Variants in MUC5B observed in about 807,000 individuals in gnomAD.
MUC5B encodes mucin 5B, oligomeric mucus/gel-forming, also known as mucin-5B.
Under a neutral mutation model 376.9 loss-of-function variants are expected in MUC5B, and 116 were observed. The ratio of observed to expected loss-of-function variants is 0.31; its 90% CI spans 0.26 to 0.36. The LOEUF (loss-of-function observed/expected upper bound fraction) is 0.36. Ranked by LOEUF, MUC5B falls within the 10% of genes least tolerant of loss-of-function variation. The pLI is 1.00. For synonymous variants in MUC5B, 3,517 were observed against 3,390.9 expected (o/e 1.04, Z -1.29); for missense variants, 7,165 against 7,769.9 (o/e 0.92, Z 2.93).
rs1184773300 is a variant in MUC5B, at chr11:1,247,482, G to C, written c.10602G>C (p.Arg3534Ser). Residue 3534 changes from arginine to serine, a missense_variant, in exon 31 of 49, where the codon AGG becomes AGC. Coordinates refer to ENST00000529681, the MANE Select transcript of MUC5B (RefSeq NM_002458.3). Reference protein sequence around the residue: ...SPGTTTPGHTRGTSRTTATAT... With the variant: ...SPGTTTPGHTSGTSRTTATAT... Reference sequence around the variant, plus strand: ...GGACGACCACCCCGGGCCACACCAGGGGCACCTCCAGGACCACAGCCACAG... The same window carrying C: ...GGACGACCACCCCGGGCCACACCAGCGGCACCTCCAGGACCACAGCCACAG... The C allele has an allele frequency of 2.3e-5, 37 of 1,607,550 alleles. No individual in the cohort carries two copies. Among genetic ancestry groups the C allele is most frequent in the Non-Finnish European group, 2.7e-5 (32 of 1,177,428 alleles).
Position 1,241,060 on chromosome 11 carries a change from G to A in MUC5B, c.4180G>A (p.Gly1394Ser), listed in dbSNP as rs1361726524. The stretch of plus-strand genomic sequence containing the variant: ...TCCCGACATGCCGCTGGAGGAGCTG[G>A]GCCAGCAGGTGGACTGTGACCGCAT... Reference protein sequence around the residue: ...QLPDMPLEELGQQVDCDRMRG... With the variant: ...QLPDMPLEELSQQVDCDRMRG... The change falls in exon 31 of 49, where the codon GGC becomes AGC. Residue 1394 changes from glycine to serine, a missense_variant. Physicochemically the swap from Gly to Ser is moderately conservative, Grantham distance 56. This residue lies in a region of MUC5B where 517 missense variants were observed against 545.3 expected (regional missense o/e 0.95). Coordinates refer to ENST00000529681, the MANE Select transcript of MUC5B (RefSeq NM_002458.3). The A allele has an allele frequency of 6.2e-7, 1 of 1,612,512 alleles. No individual in the cohort carries two copies. The highest frequency in any genetic ancestry group is 1.7e-4 in the Middle Eastern group (1 of 6,040).
In MUC5B at chr11:1,223,410, G is replaced by A. The variant is rs763982919; in HGVS notation, c.70+217G>A. 4.5e-6 allele frequency: 3 copies of A among 670,932 alleles called. No individual in the cohort carries two copies. The African/African-American group carries it at 5.3e-5, about 12-fold the overall frequency. The allele number at this position is 670,932 out of a possible 1,614,324, so 41.6% of individuals were successfully genotyped here. On this transcript the variant is annotated intron_variant, in intron 1 of 48. Coordinates refer to ENST00000529681, the MANE Select transcript of MUC5B (RefSeq NM_002458.3). ...ACTCAGGGGCTGGCTTGGATGGGGT[G>A]TCCAGGAGAAGGTGGGCCCCTGACC... is the stretch of plus-strand genomic sequence containing the variant.
chr11:1,234,879 CA>C lies in MUC5B; in HGVS notation c.2630+200del, dbSNP rs1235734324. 2.6e-5 allele frequency among the ~76,000 whole-genome samples: 4 copies of C among 152,096 alleles called. No homozygotes were observed. The highest frequency in any genetic ancestry group is 5.9e-5 in the Non-Finnish European group (4 of 67,980). On this transcript the variant is annotated intron_variant, in intron 21 of 48. Coordinates refer to ENST00000529681, the MANE Select transcript of MUC5B (RefSeq NM_002458.3). The surrounding 1 kb of genome is among the most constrained non-coding windows in gnomAD (Gnocchi z 6.3). ...CCTGTGCGTCCTCTGGAAGGTGGCC[CA>C]GGGGCCGTGGTGCTACCAGGAGCCT...
chr11:1,248,795 T>C lies in MUC5B; in HGVS notation c.11915T>C (p.Ile3972Thr), dbSNP rs1174446491. The C allele has an allele frequency of 2.6e-6, 4 of 1,523,906 alleles. No individual in the cohort carries two copies. The highest frequency in any genetic ancestry group is 1.6e-5 in the African/African-American group (1 of 63,592). The allele number at this position is 1,523,906 out of a possible 1,614,324, so 94.4% of individuals were successfully genotyped here. The change falls in exon 31 of 49, where the codon ATC (isoleucine) becomes ACC (threonine). Residue 3972 changes from isoleucine to threonine, a missense_variant. Ile to Thr is a moderately conservative substitution (Grantham distance 89). Transcript: ENST00000529681. ...NPSSTPGTTP[I>T]PPVLTTTATT... ...TCCTCAACTCCAGGGACAACACCTA[T>C]CCCCCCAGTGCTGACCACCACCGCC...
chr11:1,225,497 G>A (rs1243188934), intron 1 of MUC5B, among the ~76,000 whole-genome samples, 184 bp from the exon 2 acceptor site: 6 of 152,360 alleles, frequency 3.9e-5, no homozygotes, highest in Admixed American at 2.0e-4. Context: ...TGGCCTGAGC[G>A]GCTGGGGAGG....
chr11:1,225,358 C>A (rs1861855546), intron 1 of MUC5B, among the ~76,000 whole-genome samples: 1 of 152,254 alleles, frequency 6.6e-6, no homozygotes, highest in African/African-American at 2.4e-5. Flanking sequence ...GGCACCATCC[C>A]CGCCTGTCAG....
chr11:1,243,296 C>G lies in MUC5B; in HGVS notation c.6416C>G (p.Thr2139Arg). The G allele has an allele frequency of 1.9e-6, 3 of 1,557,428 alleles. No homozygotes were observed. Among genetic ancestry groups the G allele is most frequent in the East Asian group, 2.4e-5 (1 of 40,968 alleles). ...CCATCACTGACCACCACGGCCACTA[C>G]GATCACGGCCACCGGCTCCACCACC... ...TPPSLTTTAT[T>R]ITATGSTTNP... Residue 2139 changes from threonine to arginine, a missense_variant, in exon 31 of 49, where the codon ACG becomes AGG. By Grantham distance (71) the Thr-to-Arg change is moderately conservative. This residue lies in a region of MUC5B where 897 missense variants were observed against 779.6 expected (regional missense o/e 1.15). Coordinates refer to ENST00000529681, the MANE Select transcript of MUC5B (RefSeq NM_002458.3).
At chr11:1,254,625 A>G (rs929304043) in intron 34 of MUC5B, 69 bp from the exon 35 acceptor site, 16 of 1,481,580 alleles carry the variant, frequency 1.1e-5, no homozygotes, top group Non-Finnish European at 1.5e-5. Context: ...AGAGCCCCAA[A>G]GAGAAGCCCT....
At position 1,232,557 on chromosome 11, in the gene MUC5B, G is replaced by C. The variant is rs1308360045; in HGVS notation, c.1938+13G>C. On this transcript the variant is annotated intron_variant, in intron 16 of 48. Coordinates refer to ENST00000529681, the MANE Select transcript of MUC5B (RefSeq NM_002458.3). Reference sequence around the variant, plus strand: ...GCCCTTCCACTCGGTGAGAGGCTGAGGCCAGACCCCCACGCCTGGGCAGGA... The same window carrying C: ...GCCCTTCCACTCGGTGAGAGGCTGACGCCAGACCCCCACGCCTGGGCAGGA... 1 of 1,608,002 alleles carries C rather than the reference G, an allele frequency of 6.2e-7. No individual in the cohort carries two copies. The highest frequency in any genetic ancestry group is 8.5e-7 in the Non-Finnish European group (1 of 1,177,914).
rs1372330312 is a variant in MUC5B, at chr11:1,233,831, C to T, written c.2360C>T (p.Ser787Phe). 1.4e-5 allele frequency: 22 copies of T among 1,604,244 alleles called. No homozygotes were observed. Among genetic ancestry groups the T allele is most frequent in the Non-Finnish European group, 1.9e-5 (22 of 1,176,144 alleles). ...GGGAAGCTAAGCTGCCTGGGAGCCT[C>T]TCTGCAGAAAAGCACAGGTAAGTGC... ...TGGKLSCLGA[S>F]LQKSTGCAAP... Residue 787 changes from serine (S) to phenylalanine (F), a missense_variant, in exon 19 of 49, where the codon TCT (serine) becomes TTT (phenylalanine). Coordinates refer to ENST00000529681, the MANE Select transcript of MUC5B (RefSeq NM_002458.3).
Position 1,236,880 on chromosome 11 carries a change from C to T in MUC5B, c.3058-45C>T. On this transcript the variant is annotated intron_variant, in intron 24 of 48. Transcript: ENST00000529681. ...GCTCTGTGCTGCCTCCCACGGGTGC[C>T]TGTGGCCCCAGCTCCAGGGCCCCAC... 2.1e-6 allele frequency: 3 copies of T among 1,398,434 alleles called. No homozygotes were observed. The Admixed American group carries it at 9.7e-5, about 45-fold the overall frequency. 86.6% of individuals were successfully genotyped at this position (1,398,434 alleles called of 1,614,324 possible). A position where few individuals can be genotyped will look rare whatever the true frequency, so the allele number is the denominator to read the frequency against.
Position 1,234,896 on chromosome 11 carries a change from C to G in MUC5B, c.2631-189C>G, listed in dbSNP as rs1233127893. 6.6e-6 allele frequency among the ~76,000 whole-genome samples: 1 copy of G among 152,134 alleles called. No individual in the cohort carries two copies. On this transcript the variant is annotated intron_variant, in intron 21 of 48. Transcript: ENST00000529681. The surrounding 1 kb of genome is among the most constrained non-coding windows in gnomAD (Gnocchi z 6.3). ...AGGTGGCCCAGGGGCCGTGGTGCTA[C>G]CAGGAGCCTGGTGGGGCTGCGTGCC... is the stretch of plus-strand genomic sequence containing the variant.
Position 1,243,071 on chromosome 11 carries a change from C to G in MUC5B, c.6191C>G (p.Ser2064Cys), listed in dbSNP as rs953601993. 8 of 1,612,182 alleles carry G rather than the reference C, an allele frequency of 5.0e-6. No homozygotes were observed. In the African/African-American group the frequency reaches 6.7e-5, roughly 13 times the overall value. The change falls in exon 31 of 49, where the codon TCC becomes TGC. Residue 2064 changes from serine (S) to cysteine (C), a missense_variant. Transcript: ENST00000529681. The stretch of plus-strand genomic sequence containing the variant: ...ACCACGGGCTTCACAGCCACCCCCT[C>G]CTCCAGCCCAGGGACGGCACTCACG... ...TTTTGFTATP[S>C]SSPGTALTPP...
rs1032955987 is a variant in MUC5B, at chr11:1,239,489, A to G, written c.3506A>G (p.Gln1169Arg). 6.2e-7 allele frequency: 1 copy of G among 1,606,906 alleles called. No homozygotes were observed. Among genetic ancestry groups the G allele is most frequent in the Non-Finnish European group, 8.5e-7 (1 of 1,175,244 alleles). Reference protein sequence around the residue: ...NPHGGCEWHYQPCGAPCLKTC... With the variant: ...NPHGGCEWHYRPCGAPCLKTC... ...CATGGGGGCTGTGAGTGGCACTACC[A>G]GCCCTGCGGGGCACCCTGCCTAAAA... The change falls in exon 27 of 49, where the codon CAG becomes CGG. Residue 1169 changes from glutamine (Q) to arginine (R), a missense_variant. Around this residue, in one of 31 missense-constraint regions of MUC5B, gnomAD observed 517 missense variants for 545.3 expected, o/e 0.95. Transcript: ENST00000529681.
intron 34 of MUC5B, among the ~76,000 whole-genome samples, 163 bp downstream of exon 34, chr11:1,254,514 A>C (rs1437777918): frequency 6.6e-6 from 1 of 152,150 alleles, no homozygotes; most frequent in Non-Finnish European, 1.5e-5. Context: ...GGCCGAGCGC[A>C]CCCTGTGGCC....
At position 1,242,457 on chromosome 11, in the gene MUC5B, C is replaced by G. The variant is rs55933911; in HGVS notation, c.5577C>G (p.Asn1859Lys). ...TGGAGACGGGGCTGACCTGCAAGAA[C>G]GAAGACCAGACAGGCAGGTTCAACA... ...CSLETGLTCK[N>K]EDQTGRFNMC... Residue 1859 changes from asparagine to lysine, a missense_variant, in exon 31 of 49, where the codon AAC becomes AAG. Coordinates refer to ENST00000529681, the MANE Select transcript of MUC5B (RefSeq NM_002458.3). 1 of 1,613,722 alleles carries G rather than the reference C, an allele frequency of 6.2e-7. No homozygotes were observed. The highest frequency in any genetic ancestry group is 8.5e-7 in the Non-Finnish European group (1 of 1,179,784).
Position 1,238,895 on chromosome 11 carries a change from G to A in MUC5B, c.3322G>A (p.Ala1108Thr). The change falls in exon 26 of 49, where the codon GCC becomes ACC. Residue 1108 changes from alanine to threonine, a missense_variant. This residue lies in a region of MUC5B where 143 missense variants were observed against 193.2 expected (regional missense o/e 0.74). Transcript: ENST00000529681. ...SQVDSTKYYEACVNDACACDS... is the reference protein window; with the variant it reads ...SQVDSTKYYETCVNDACACDS... ...GGTTGACTCCACCAAGTACTACGAG[G>A]CCTGCGTGAACGACGCGTGTGCCTG... The A allele has an allele frequency of 1.3e-6, 2 of 1,563,578 alleles. No individual in the cohort carries two copies. The highest frequency in any genetic ancestry group is 8.7e-7 in the Non-Finnish European group (1 of 1,153,988).
chr11:1,239,680 A>C lies in MUC5B; in HGVS notation c.3583+114A>C, dbSNP rs55759752. ...AGGCTCCCGTAAACTGCACAATGCA[A>C]GCCTTGAGGGCAGGCCCCTGCTGGC... On this transcript the variant is annotated intron_variant, in intron 27 of 48. Coordinates refer to ENST00000529681, the MANE Select transcript of MUC5B (RefSeq NM_002458.3). 3,689 of 1,495,134 alleles carry C rather than the reference A, an allele frequency of 2.5e-3. 79 individuals are homozygous for C. In the African/African-American group the frequency reaches 0.04, roughly 16 times the overall value. The allele number at this position is 1,495,134 out of a possible 1,614,324, so 92.6% of individuals were successfully genotyped here.
chr11:1,236,287 G>A (rs1238953319), intron 23 of MUC5B, 99 bp from the exon 24 acceptor site: 5 of 1,223,496 alleles, frequency 4.1e-6, no homozygotes, highest in South Asian at 3.2e-5. Context: ...CTAAGAGCCC[G>A]TGCGCACCTG....
Sources: gnomAD v4.1 joint callset for allele counts (sites outside exome capture counted in the v4.1 genomes callset) on GRCh38, gnomAD v4.1.1 for gene constraint, gnomAD v4.1.1 regional missense constraint, Gnocchi (gnomAD v3.1) non-coding constraint, MANE v1.5 for transcripts, NCBI Gene and HGNC (gene_info 2026-07-23, HGNC 2026-07-21) for gene names.